NAT1: variants seen among roughly 807,000 people sequenced by gnomAD.
NAT1 encodes N-acetyltransferase 1, also known as arylamine N-acetyltransferase 1.
For missense variants in NAT1, 400 were observed against 339.2 expected, an observed-to-expected ratio of 1.18 and a Z score of -1.41; for synonymous variants, 144 against 122.6, an observed-to-expected ratio of 1.17 and a Z score of -1.16.
Position 18,213,082 on chromosome 8 carries a change from T to TA in NAT1, c.-86+2904dup, listed in dbSNP as rs386723097. On this transcript the variant is annotated intron_variant, in intron 1 of 2. Coordinates refer to ENST00000307719, the MANE Select transcript of NAT1 (RefSeq NM_000662.8). Reference sequence around the variant, plus strand: ...ACCACACCTCGCTTTTTTTTTTTTTTAATTTTTTATTAGAGATGGGGGTTT... The same window carrying TA: ...ACCACACCTCGCTTTTTTTTTTTTTTAAATTTTTTATTAGAGATGGGGGTTT... 1.8e-3 allele frequency among the ~76,000 whole-genome samples: 272 copies of TA among 148,840 alleles called. 3 individuals carry two copies. Among genetic ancestry groups the TA allele is most frequent in the African/African-American group, 6.3e-3 (257 of 40,726 alleles).
At chr8:18,180,576 G>A (rs1202261148) in intron 2 of NAT1, among the ~76,000 whole-genome samples, 2 of 152,130 alleles carry the variant, frequency 1.3e-5, no homozygotes, top group African/African-American at 4.8e-5. Flanking sequence ...CATAAAATGA[G>A]TTTGAGTTCT....
upstream of NAT1, among the ~76,000 whole-genome samples, chr8:18,208,649 G>T (rs955286866): frequency 3.3e-5 from 5 of 152,216 alleles, no homozygotes; most frequent in African/African-American, 4.8e-5. Context: ...ACAGTGTGAA[G>T]ACAGAGTCTA....
chr8:18,202,378 A>G (rs1803501072), intron 2 of NAT1, among the ~76,000 whole-genome samples: 1 of 152,218 alleles, frequency 6.6e-6, no homozygotes, highest in African/African-American at 2.4e-5. Flanking sequence ...AAGGGAAACT[A>G]TTTGAAAACT....
At chr8:18,212,606 G>C (rs944346000) in intron 1 of NAT1, 2 of 152,284 alleles carry the variant, frequency 1.3e-5, no homozygotes, top group Non-Finnish European at 2.9e-5. Context: ...TGCCCTGCCA[G>C]GACATAAATC....
intron 2 of NAT1, among the ~76,000 whole-genome samples, chr8:18,204,487 C>T (rs1011447445): frequency 6.6e-6 from 1 of 152,072 alleles, no homozygotes; most frequent in South Asian, 2.1e-4. Flanking sequence ...ATTTAAGTAA[C>T]TTTAAAAACT....
chr8:18,214,041 C>G (rs1804383104), intron 1 of NAT1, among the ~76,000 whole-genome samples: 1 of 152,098 alleles, frequency 6.6e-6, no homozygotes, highest in African/African-American at 2.4e-5. Context: ...TCTCGATCTC[C>G]TGACCTCGTG....
chr8:18,199,568 G>A (rs1186282728), intron 2 of NAT1, among the ~76,000 whole-genome samples: 1 of 152,078 alleles, frequency 6.6e-6, no homozygotes, highest in Non-Finnish European at 1.5e-5. Context: ...AAGAATCATT[G>A]GAAGGTTTGC....
intron 2 of NAT1, among the ~76,000 whole-genome samples, chr8:18,190,977 G>T (rs1358732024): frequency 6.6e-6 from 1 of 151,658 alleles, no homozygotes; most frequent in African/African-American, 2.4e-5. Flanking sequence ...TGAGGCAGGA[G>T]AATCTCTTGA....
chr8:18,203,314 T>A (rs1158460712), intron 2 of NAT1, among the ~76,000 whole-genome samples: 2 of 152,224 alleles, frequency 1.3e-5, no homozygotes, highest in Non-Finnish European at 2.9e-5. Context: ...TCTTTAGTAA[T>A]TTTGGGCAAA....
rs79611344 is a variant in NAT1 at position 18,182,761 on chromosome 8, T to A, written n.92+12022T>A. Among the ~76,000 whole-genome samples, 1,095 of 152,296 alleles carry A rather than the reference T, an allele frequency of 7.2e-3. 12 individuals carry two copies. The highest frequency in any genetic ancestry group is 0.024 in the African/African-American group (992 of 41,556). Reference sequence around the variant, plus strand: ...TAATATTCATGTTAAAATTAACTCATCAATTTTCACTCAAAAAGTGTTGGG... The same window carrying A: ...TAATATTCATGTTAAAATTAACTCAACAATTTTCACTCAAAAAGTGTTGGG... On this transcript the variant is annotated intron_variant and non_coding_transcript_variant, in intron 2 of 4. Coordinates refer to the NAT1 transcript ENST00000517441.
intron 2 of NAT1, among the ~76,000 whole-genome samples, chr8:18,177,396 G>T (rs1193547197): frequency 6.6e-6 from 1 of 152,008 alleles, no homozygotes; most frequent in African/African-American, 2.4e-5. Context: ...TATCCTCTAA[G>T]TCCTAAAATT....
At chr8:18,213,131 C>T (rs1245543045) in intron 1 of NAT1, among the ~76,000 whole-genome samples, 1 of 150,784 alleles carries the variant, frequency 6.6e-6, no homozygotes. Flanking sequence ...AGGCTGGTCT[C>T]GAACTCCTGA....
At chr8:18,208,299 CA>C (rs565904758), upstream of NAT1, among the ~76,000 whole-genome samples, 28 of 148,266 alleles carry the variant, frequency 1.9e-4, no homozygotes, top group African/African-American at 3.5e-4. Flanking sequence ...GAAACAGAAA[CA>C]AAAAAAAAGG....
At position 18,192,436 on chromosome 8, in the gene NAT1, T is replaced by G. The variant is rs556064523; in HGVS notation, n.93-17345T>G. Among the ~76,000 whole-genome samples the G allele has an allele frequency of 5.9e-5, 9 of 152,284 alleles. No individual in the cohort carries two copies. In the East Asian group the frequency reaches 1.7e-3, roughly 29 times the overall value. ...CCATTGTGGAAGTCAGTGTGGCGAT[T>G]CCTCAGGGATCTAGAACTACAAATA... is the stretch of plus-strand genomic sequence containing the variant. On this transcript the variant is annotated intron_variant and non_coding_transcript_variant, in intron 2 of 4. Transcript: ENST00000517441.
At position 18,222,564 on chromosome 8, in the gene NAT1, G is replaced by A. The variant is rs1415403353; in HGVS notation, c.517G>A (p.Glu173Lys). Residue 173 changes from glutamate (E) to lysine (K), a missense_variant, in exon 3 of 3, where the codon GAA becomes AAA. Transcript: ENST00000307719. ...QIRREQYIPNEEFLHSDLLED... is the reference protein window; with the variant it reads ...QIRREQYIPNKEFLHSDLLED... The stretch of plus-strand genomic sequence containing the variant: ...CAGAAGGGAACAGTACATTCCAAAT[G>A]AAGAATTTCTTCATTCTGATCTCCT... 1.2e-6 allele frequency: 2 copies of A among 1,613,936 alleles called. No individual in the cohort carries two copies. Among genetic ancestry groups the A allele is most frequent in the African/African-American group, 2.7e-5 (2 of 74,906 alleles).
At chr8:18,201,403 C>T (rs75444921) in intron 2 of NAT1, among the ~76,000 whole-genome samples, 3 of 152,146 alleles carry the variant, frequency 2.0e-5, no homozygotes, top group African/African-American at 7.2e-5. Context: ...AAGACCCTCA[C>T]TGCAATCAGG....
intron 2 of NAT1, among the ~76,000 whole-genome samples, chr8:18,200,627 C>A (rs749084190): frequency 3.3e-5 from 5 of 152,106 alleles, no homozygotes; most frequent in Non-Finnish European, 5.9e-5. Flanking sequence ...GTACACCAAA[C>A]CCCTGTGACG....
At chr8:18,206,954 T>C (rs940533741), upstream of NAT1, among the ~76,000 whole-genome samples, 1 of 152,222 alleles carries the variant, frequency 6.6e-6, no homozygotes, top group Non-Finnish European at 1.5e-5. Flanking sequence ...CCCATGTCTA[T>C]TTCCTGAATA....
Position 18,222,607 on chromosome 8 carries a change from G to A in NAT1, c.560G>A (p.Arg187Gln), listed in dbSNP as rs4986782. The stretch of plus-strand genomic sequence containing the variant: ...GATCTCCTAGAAGACAGCAAATACC[G>A]AAAAATCTACTCCTTTACTCTTAAG... ...HSDLLEDSKY[R>Q]KIYSFTLKPR... Residue 187 changes from arginine (R) to glutamine (Q), a missense_variant, in exon 3 of 3, where the codon CGA (arginine) becomes CAA (glutamine). Coordinates refer to ENST00000307719, the MANE Select transcript of NAT1 (RefSeq NM_000662.8). 27,651 of 1,612,688 alleles carry A rather than the reference G, an allele frequency of 0.017. 290 individuals carry two copies. The highest frequency in any genetic ancestry group is 0.019 in the Non-Finnish European group (22,862 of 1,179,450).
Sources: gnomAD v4.1 joint callset for allele counts (sites outside exome capture counted in the v4.1 genomes callset) on GRCh38, gnomAD v4.1.1 for gene constraint, MANE v1.5 for transcripts, NCBI Gene and HGNC (gene_info 2026-07-23, HGNC 2026-07-21) for gene names.